Variants in TENM4 observed in about 807,000 individuals in gnomAD.
TENM4 encodes teneurin-4.
In TENM4, 82 loss-of-function variants were observed where a neutral mutation model predicts 243.3. The observed-to-expected ratio is 0.34, with a 90% CI of 0.28 to 0.40. TENM4 has a LOEUF of 0.40. Ranked by LOEUF, TENM4 falls within the 10% of genes least tolerant of loss-of-function variation. The probability of loss-of-function intolerance (pLI) is 1.00; values close to 1 mark genes in which losing one functional copy is unlikely to be tolerated. For missense variants in TENM4, 3,138 were observed against 3,673.3 expected, an observed-to-expected ratio of 0.85 and a Z score of 3.77; for synonymous variants, 1,412 against 1,456.3, an observed-to-expected ratio of 0.97 and a Z score of 0.69.
chr11:78,815,480 T>G (rs562024369), intron 12 of TENM4, among the ~76,000 whole-genome samples: 1 of 152,340 alleles, frequency 6.6e-6, no homozygotes, highest in African/African-American at 2.4e-5. Flanking sequence ...AGATGTTCCT[T>G]TCTCTAACTC....
At chr11:78,842,685 C>A (rs526395) in intron 12 of TENM4, among the ~76,000 whole-genome samples, 7 of 152,038 alleles carry the variant, frequency 4.6e-5, no homozygotes, top group African/African-American at 1.7e-4. Context: ...ACACAACAAG[C>A]GCATACATGA....
intron 1 of TENM4, among the ~76,000 whole-genome samples, chr11:79,351,793 T>C (rs567517114): frequency 6.6e-6 from 1 of 152,342 alleles, no homozygotes; most frequent in Admixed American, 6.5e-5. Context: ...CATCCCAAAC[T>C]TGTTTCTCCT....
At chr11:79,202,375 CTT>C (rs886576059) in intron 3 of TENM4, among the ~76,000 whole-genome samples, 1 of 152,150 alleles carries the variant, frequency 6.6e-6, no homozygotes. Context: ...GAGTAATCAT[CTT>C]TTTTTTCCCT....
intron 6 of TENM4, among the ~76,000 whole-genome samples, chr11:78,935,741 A>G (rs1856769525): frequency 6.6e-6 from 1 of 152,252 alleles, no homozygotes; most frequent in South Asian, 2.1e-4. Context: ...GCAGAAAAAT[A>G]TGAGGTAGGA....
chr11:78,730,790 G>A (rs904552106), intron 21 of TENM4, among the ~76,000 whole-genome samples: 1 of 152,178 alleles, frequency 6.6e-6, no homozygotes, highest in Admixed American at 6.5e-5. Flanking sequence ...TCATAGACAA[G>A]TGTGAACGTT....
intron 6 of TENM4, among the ~76,000 whole-genome samples, chr11:78,975,604 A>C (rs1457860384): frequency 1.7e-5 from 2 of 116,514 alleles, no homozygotes; most frequent in Non-Finnish European, 3.6e-5. Context: ...ACACCCACAC[A>C]CACACACACA....
At chr11:78,850,707 G>C (rs1373024087) in intron 12 of TENM4, among the ~76,000 whole-genome samples, 2 of 152,222 alleles carry the variant, frequency 1.3e-5, no homozygotes, top group Non-Finnish European at 2.9e-5. Flanking sequence ...AGGAGAAAGA[G>C]GATGGGAGAG....
intron 9 of TENM4, among the ~76,000 whole-genome samples, chr11:78,888,286 C>G (rs1305920269): frequency 6.6e-6 from 1 of 152,226 alleles, no homozygotes; most frequent in Non-Finnish European, 1.5e-5. Context: ...GCCCCAGTAT[C>G]TTCCTCAACA....
At chr11:79,355,892 A>G (rs569789397) in intron 1 of TENM4, among the ~76,000 whole-genome samples, 1 of 152,382 alleles carries the variant, frequency 6.6e-6, no homozygotes, top group South Asian at 2.1e-4. Context: ...TATGCAATAC[A>G]GTATTTGTCA....
intron 6 of TENM4, among the ~76,000 whole-genome samples, chr11:78,999,491 G>A (rs137914135): frequency 6.6e-6 from 1 of 152,222 alleles, no homozygotes; most frequent in Non-Finnish European, 1.5e-5. Flanking sequence ...ACTTCAGCCT[G>A]GGAGACAGAG....
intron 4 of TENM4, among the ~76,000 whole-genome samples, chr11:79,125,355 T>C (rs1052122336): frequency 6.6e-6 from 1 of 152,128 alleles, no homozygotes; most frequent in Admixed American, 6.5e-5. Flanking sequence ...CAGAAGCAGA[T>C]AGTGAGCCTC....
intron 2 of TENM4, among the ~76,000 whole-genome samples, chr11:79,242,321 C>G (rs1322768751): frequency 6.6e-6 from 1 of 151,950 alleles, no homozygotes; most frequent in African/African-American, 2.4e-5. Context: ...TCCTTCATTG[C>G]CTGTGAGGCT....
intron 2 of TENM4, among the ~76,000 whole-genome samples, chr11:79,261,888 T>C (rs1855805178): frequency 6.6e-6 from 1 of 152,176 alleles, no homozygotes; most frequent in Non-Finnish European, 1.5e-5. Flanking sequence ...TTTGGTTTCT[T>C]ATAACCTCTG....
At chr11:78,988,836 G>A (rs958244405) in intron 6 of TENM4, among the ~76,000 whole-genome samples, 6 of 152,102 alleles carry the variant, frequency 3.9e-5, no homozygotes, top group African/African-American at 7.2e-5. Context: ...CACCATACCC[G>A]GCTAATTTGT....
intron 6 of TENM4, among the ~76,000 whole-genome samples, chr11:78,995,299 C>T (rs181634261): frequency 3.3e-4 from 50 of 152,200 alleles, no homozygotes; most frequent in Non-Finnish European, 5.9e-4. Context: ...GGTTTGCATG[C>T]CATGTCAAGA....
chr11:79,067,560 C>T (rs1442632152), intron 5 of TENM4, among the ~76,000 whole-genome samples: 7 of 150,602 alleles, frequency 4.6e-5, no homozygotes, highest in Non-Finnish European at 7.4e-5. Flanking sequence ...GTCCTGCATG[C>T]CCTTTTAAGC....
At chr11:78,937,011 C>T (rs1856800778) in intron 6 of TENM4, among the ~76,000 whole-genome samples, 1 of 152,100 alleles carries the variant, frequency 6.6e-6, no homozygotes, top group Non-Finnish European at 1.5e-5. Context: ...AAATGCTTCC[C>T]TTCTCAGAAA....
At chr11:79,008,629 A>G (rs1320777624) in intron 6 of TENM4, among the ~76,000 whole-genome samples, 1 of 152,230 alleles carries the variant, frequency 6.6e-6, no homozygotes, top group Non-Finnish European at 1.5e-5. Flanking sequence ...TTGGTATGCC[A>G]TAAAGTGGTA....
At chr11:79,075,360 A>T (rs1265759674) in intron 4 of TENM4, among the ~76,000 whole-genome samples, 2 of 152,218 alleles carry the variant, frequency 1.3e-5, no homozygotes, top group Non-Finnish European at 2.9e-5. Context: ...GCTCCAGGCT[A>T]GGAGTAAGGC....
Sources: gnomAD v4.1 joint callset for allele counts (sites outside exome capture counted in the v4.1 genomes callset) on GRCh38, gnomAD v4.1.1 for gene constraint, MANE v1.5 for transcripts, NCBI Gene and HGNC (gene_info 2026-07-23, HGNC 2026-07-21) for gene names.